The following TIAM1 variants were observed in gnomAD, a reference collection of about 807,000 sequenced individuals.
TIAM1 encodes the protein TIAM Rac1 associated GEF 1, also known as rho guanine nucleotide exchange factor TIAM1.
A neutral mutation model predicts 163.5 loss-of-function variants in TIAM1; 65 were observed. The ratio of observed to expected loss-of-function variants is 0.40; its 90% CI spans 0.33 to 0.49. The LOEUF (loss-of-function observed/expected upper bound fraction) is 0.49, where lower values mean the gene tolerates loss of function less well. Ranked by LOEUF, TIAM1 falls within the 20% of genes least tolerant of loss-of-function variation. The pLI is 0.77. For missense variants in TIAM1, 1,789 were observed against 2,044.7 expected, an observed-to-expected ratio of 0.87 and a Z score of 2.41; for synonymous variants, 833 against 810.1, an observed-to-expected ratio of 1.03 and a Z score of -0.48.
chr21:31,202,219 T>C (rs556956355), intron 12 of TIAM1, among the ~76,000 whole-genome samples: 37 of 152,230 alleles, frequency 2.4e-4, no homozygotes, highest in African/African-American at 7.7e-4. Flanking sequence ...AGCACTGTTT[T>C]CTGTAACAAC....
intron 2 of TIAM1, among the ~76,000 whole-genome samples, chr21:31,304,361 C>A (rs2074615268): frequency 6.6e-6 from 1 of 152,170 alleles, no homozygotes; most frequent in African/African-American, 2.4e-5. Flanking sequence ...ATCTTGGAAG[C>A]TTTTGTGAAA....
chr21:31,224,005 T>C (rs927636789), intron 7 of TIAM1, among the ~76,000 whole-genome samples: 4 of 152,170 alleles, frequency 2.6e-5, no homozygotes, highest in African/African-American at 7.2e-5. Context: ...CCAAGTGCTT[T>C]TGGGAAGAGC....
At chr21:31,488,981 C>T (rs1777160084) in intron 1 of TIAM1, among the ~76,000 whole-genome samples, 1 of 147,832 alleles carries the variant, frequency 6.8e-6, no homozygotes, top group South Asian at 2.2e-4. Context: ...TGTATTCTCT[C>T]CAAGGAAAAT....
chr21:31,222,752 T>C (rs184407955), intron 8 of TIAM1, among the ~76,000 whole-genome samples: 44 of 133,688 alleles, frequency 3.3e-4, no homozygotes, highest in African/African-American at 1.2e-3. Flanking sequence ...GAGTCTCACT[T>C]TGTCACCCAG....
intron 3 of TIAM1, among the ~76,000 whole-genome samples, chr21:31,267,575 A>C (rs2072852662): frequency 6.6e-6 from 1 of 150,838 alleles, no homozygotes; most frequent in African/African-American, 2.4e-5. Context: ...TCAATCAAAA[A>C]TGGAAAACCT....
chr21:31,544,739 C>G (rs923795320), intron 1 of TIAM1, among the ~76,000 whole-genome samples: 1 of 150,872 alleles, frequency 6.6e-6, no homozygotes, highest in Non-Finnish European at 1.5e-5. Flanking sequence ...CCTGGCCAGG[C>G]ACGGTGGCTC....
intron 1 of TIAM1, among the ~76,000 whole-genome samples, chr21:31,548,464 T>C (rs1239038751): frequency 7.0e-6 from 1 of 142,626 alleles, no homozygotes; most frequent in African/African-American, 2.6e-5. Context: ...AAATGTGGGG[T>C]TTCTCAACCT....
At position 31,131,275 on chromosome 21, in the gene TIAM1, C is replaced by T. The variant is rs1442036045; in HGVS notation, c.3884-327G>A. Reference sequence around the variant, plus strand: ...CTGATACATATTCAACAAAAATGTACTAATTCAGTAGATGGAGGAATAATA... The same window carrying T: ...CTGATACATATTCAACAAAAATGTATTAATTCAGTAGATGGAGGAATAATA... On this transcript the variant is annotated intron_variant, in intron 23 of 27. Transcript: ENST00000541036. Among the ~76,000 whole-genome samples, 4 of 152,286 alleles carry T rather than the reference C, an allele frequency of 2.6e-5. No individual in the cohort carries two copies. In the East Asian group the frequency reaches 7.7e-4, roughly 29 times the overall value.
intron 15 of TIAM1, among the ~76,000 whole-genome samples, chr21:31,165,567 A>T (rs749888186): frequency 3.9e-5 from 6 of 152,184 alleles, no homozygotes; most frequent in Non-Finnish European, 8.8e-5. Context: ...TACCCAGATG[A>T]TGGGGCTTCC....
intron 1 of TIAM1, among the ~76,000 whole-genome samples, chr21:31,518,956 A>G (rs1411484083): frequency 5.9e-5 from 9 of 152,198 alleles, no homozygotes; most frequent in Non-Finnish European, 7.3e-5. Flanking sequence ...ACACTTTGGG[A>G]GGACAAGGCA....
chr21:31,367,681 A>G (rs1284821368), intron 2 of TIAM1, among the ~76,000 whole-genome samples: 2 of 152,204 alleles, frequency 1.3e-5, no homozygotes, highest in Non-Finnish European at 2.9e-5. Context: ...CCTGTTTATC[A>G]GCAAAAGCAG....
chr21:31,126,460 G>A (rs1053491943), intron 26 of TIAM1, among the ~76,000 whole-genome samples: 4 of 152,048 alleles, frequency 2.6e-5, no homozygotes, highest in African/African-American at 4.8e-5. Flanking sequence ...CCAGCCACTC[G>A]GGAGGCTGAG....
intron 1 of TIAM1, among the ~76,000 whole-genome samples, chr21:31,500,118 T>C (rs542154751): frequency 6.6e-6 from 1 of 152,214 alleles, no homozygotes; most frequent in East Asian, 1.9e-4. Context: ...TGAGCCAAGA[T>C]CGCACCATTG....
chr21:31,414,124 A>G (rs895367293), intron 2 of TIAM1, among the ~76,000 whole-genome samples: 6 of 152,224 alleles, frequency 3.9e-5, no homozygotes, highest in Admixed American at 6.5e-5. Context: ...CTGAAAGCAC[A>G]AGAGAGAGAA....
chr21:31,476,640 G>T (rs1366831669), intron 1 of TIAM1, among the ~76,000 whole-genome samples: 1 of 152,184 alleles, frequency 6.6e-6, no homozygotes, highest in Non-Finnish European at 1.5e-5. Flanking sequence ...CAAATGATGG[G>T]TGTCAGATGC....
chr21:31,187,670 T>C (rs1344256572), intron 13 of TIAM1, among the ~76,000 whole-genome samples: 1 of 152,158 alleles, frequency 6.6e-6, no homozygotes, highest in Non-Finnish European at 1.5e-5. Flanking sequence ...CTTATACTTC[T>C]CTGGGCTCCC....
At chr21:31,316,845 G>A (rs1331437800) in intron 2 of TIAM1, among the ~76,000 whole-genome samples, 1 of 152,108 alleles carries the variant, frequency 6.6e-6, no homozygotes, top group African/African-American at 2.4e-5. Context: ...TTGGACCACC[G>A]TGGATCGTGA....
At chr21:31,234,076 G>T (rs929824132) in intron 6 of TIAM1, among the ~76,000 whole-genome samples, 3 of 152,092 alleles carry the variant, frequency 2.0e-5, no homozygotes, top group African/African-American at 7.2e-5. Flanking sequence ...TATCTCACAT[G>T]TAAATATGAC....
intron 2 of TIAM1, among the ~76,000 whole-genome samples, chr21:31,424,862 C>A (rs1466645351): frequency 1.3e-5 from 2 of 151,136 alleles, no homozygotes; most frequent in Admixed American, 1.3e-4. Context: ...ACCAGCCTGA[C>A]CAATATGGTA....
Sources: allele counts gnomAD v4.1 joint callset (sites outside exome capture counted in the v4.1 genomes callset), GRCh38; gene constraint gnomAD v4.1.1; transcripts MANE v1.5; gene names NCBI Gene and HGNC (gene_info 2026-07-23, HGNC 2026-07-21).